SGCZ: variants seen among roughly 807,000 people sequenced by gnomAD.
SGCZ encodes sarcoglycan zeta, also known as zeta-sarcoglycan.
SGCZ carries 40 observed loss-of-function variants against 41.3 expected under a neutral mutation model. That is an observed-to-expected ratio of 0.97 (90% CI 0.75 to 1.26). The LOEUF is 1.26. Among genes scored for constraint, SGCZ ranks in the 50% most tolerant of loss-of-function variants. SGCZ has a pLI of 0.00. For missense variants in SGCZ, 552 were observed against 369.8 expected (o/e 1.49, Z -4.04); for synonymous variants, 206 against 137.5 (o/e 1.50, Z -3.49).
At chr8:14,781,268 G>A (rs1800579407) in intron 1 of SGCZ, among the ~76,000 whole-genome samples, 1 of 152,052 alleles carries the variant, frequency 6.6e-6, no homozygotes, top group African/African-American at 2.4e-5. Context: ...GTCTCATTGT[G>A]TCACCCAGGC....
intron 2 of SGCZ, among the ~76,000 whole-genome samples, chr8:14,439,185 AT>A (rs1800174759): frequency 6.6e-6 from 1 of 151,892 alleles, no homozygotes; most frequent in Admixed American, 6.6e-5. Flanking sequence ...AAGAAAATGC[AT>A]TTAAAAATAC....
intron 1 of SGCZ, among the ~76,000 whole-genome samples, chr8:15,053,119 C>A (rs1341719785): frequency 2.0e-5 from 3 of 152,074 alleles, no homozygotes; most frequent in South Asian, 2.1e-4. Context: ...GTCTAGTTTG[C>A]AAAATTCCAA....
intron 1 of SGCZ, among the ~76,000 whole-genome samples, chr8:15,057,710 T>G (rs568588276): frequency 1.3e-5 from 2 of 152,326 alleles, no homozygotes; most frequent in Non-Finnish European, 2.9e-5. Flanking sequence ...AGCTAAATAA[T>G]TAGTCCCAAT....
chr8:14,102,617 G>A, intron 6 of SGCZ, 118 bp from the exon 7 acceptor site: 1 of 964,582 alleles, frequency 1.0e-6, no homozygotes, highest in Non-Finnish European at 1.3e-6. Context: ...CAACCAGACA[G>A]ACAGGCATAA....
Position 14,704,891 on chromosome 8 carries a change from A to G in SGCZ, c.40-149965T>C, listed in dbSNP as rs555610678. Among the ~76,000 whole-genome samples the G allele has an allele frequency of 2.4e-3, 360 of 152,132 alleles. 3 individuals are homozygous for G. The highest frequency in any genetic ancestry group is 6.9e-3 in the African/African-American group (286 of 41,568). ...TAAGCAAGCCAAACTCGCTTCATTCAAAAGCACTATAAGAATCGATGCAAC... is the reference window on the plus strand; with the variant it reads ...TAAGCAAGCCAAACTCGCTTCATTCGAAAGCACTATAAGAATCGATGCAAC... On this transcript the variant is annotated intron_variant, in intron 1 of 7. Coordinates refer to ENST00000382080, the MANE Select transcript of SGCZ (RefSeq NM_139167.4).
intron 3 of SGCZ, among the ~76,000 whole-genome samples, chr8:14,321,510 C>T (rs1801917847): frequency 6.6e-6 from 1 of 150,806 alleles, no homozygotes; most frequent in Non-Finnish European, 1.5e-5. Flanking sequence ...ATTATCTTTC[C>T]ATGTGTAGGA....
chr8:14,439,650 C>T (rs1325396112), intron 2 of SGCZ, among the ~76,000 whole-genome samples: 1 of 151,578 alleles, frequency 6.6e-6, no homozygotes, highest in Non-Finnish European at 1.5e-5. Flanking sequence ...CAATATAATC[C>T]GTAGTATAAA....
At position 14,811,278 on chromosome 8, in the gene SGCZ, A is replaced by T. The variant is rs1033381050; in HGVS notation, c.40-256352T>A. Among the ~76,000 whole-genome samples the T allele has an allele frequency of 2.0e-5, 3 of 152,006 alleles. No individual in the cohort carries two copies. In the East Asian group the frequency reaches 5.8e-4, roughly 29 times the overall value. On this transcript the variant is annotated intron_variant, in intron 1 of 7. Coordinates refer to ENST00000382080, the MANE Select transcript of SGCZ (RefSeq NM_139167.4). ...CTGTGAACTGAAACTTACAATAAAA[A>T]TTTATTCCAATAAAATTTAACTTAC...
At chr8:14,644,750 A>C (rs1807150215) in intron 1 of SGCZ, among the ~76,000 whole-genome samples, 1 of 151,722 alleles carries the variant, frequency 6.6e-6, no homozygotes, top group Non-Finnish European at 1.5e-5. Flanking sequence ...TAGAAATGCA[A>C]ATGTACTTCT....
chr8:14,508,224 C>T (rs778510096), intron 2 of SGCZ, among the ~76,000 whole-genome samples: 4 of 152,112 alleles, frequency 2.6e-5, no homozygotes, highest in Non-Finnish European at 5.9e-5. Context: ...TTGAAGTACC[C>T]TGAGACCAAG....
chr8:14,243,804 C>T (rs1798977870), intron 3 of SGCZ, among the ~76,000 whole-genome samples: 1 of 152,144 alleles, frequency 6.6e-6, no homozygotes, highest in African/African-American at 2.4e-5. Flanking sequence ...AGTTAAAATT[C>T]ACCTCCCACC....
At chr8:14,320,446 AATTATT>A (rs1267731837) in intron 3 of SGCZ, among the ~76,000 whole-genome samples, 2 of 150,214 alleles carry the variant, frequency 1.3e-5, no homozygotes, top group Non-Finnish European at 3.0e-5. Flanking sequence ...TTATTATTAT[AATTATT>A]ATTACTATTA....
chr8:15,122,344 A>ATTTTGAT (rs1363822247), intron 1 of SGCZ, among the ~76,000 whole-genome samples: 1 of 152,148 alleles, frequency 6.6e-6, no homozygotes, highest in Non-Finnish European at 1.5e-5. Flanking sequence ...AAGACTTAGA[A>ATTTTGAT]ACAGTGCAAT....
At chr8:14,878,368 T>C (rs983761009) in intron 1 of SGCZ, among the ~76,000 whole-genome samples, 6 of 151,526 alleles carry the variant, frequency 4.0e-5, no homozygotes, top group African/African-American at 1.5e-4. Flanking sequence ...CAAGTTAAAA[T>C]ATAATTAACA....
intron 3 of SGCZ, among the ~76,000 whole-genome samples, chr8:14,252,782 G>T (rs1276331703): frequency 1.3e-5 from 2 of 152,140 alleles, no homozygotes; most frequent in African/African-American, 4.8e-5. Context: ...CAGAGCTTCA[G>T]CTTTCAGGCA....
At chr8:14,522,455 G>T (rs1474407274) in intron 2 of SGCZ, among the ~76,000 whole-genome samples, 1 of 151,910 alleles carries the variant, frequency 6.6e-6, no homozygotes. Context: ...TTTGGGTGAG[G>T]TATGATAGTT....
intron 1 of SGCZ, among the ~76,000 whole-genome samples, chr8:15,168,070 TC>T (rs1799716871): frequency 6.6e-6 from 1 of 151,980 alleles, no homozygotes; most frequent in South Asian, 2.1e-4. Context: ...AGACATCCTT[TC>T]CTCTCTCTTG....
chr8:14,825,953 T>C (rs932723563), intron 1 of SGCZ, among the ~76,000 whole-genome samples: 1 of 152,144 alleles, frequency 6.6e-6, no homozygotes, highest in Non-Finnish European at 1.5e-5. Flanking sequence ...TTATTATTAT[T>C]ATACTTTAAG....
At position 14,711,542 on chromosome 8, in the gene SGCZ, T is replaced by C. The variant is rs566201291; in HGVS notation, c.40-156616A>G. ...GCTTGAATCCAGGAGGCAGAGGTTG[T>C]AGTGAGCCAAGATTGCTCAACTGCA... On this transcript the variant is annotated intron_variant, in intron 1 of 7. Transcript: ENST00000382080. Among the ~76,000 whole-genome samples the C allele has an allele frequency of 2.1e-5, 3 of 143,404 alleles. No homozygotes were observed. The Admixed American group carries it at 2.3e-4, about 11-fold the overall frequency. The allele number at this position is 143,404 out of a possible 152,430, so 94.1% of individuals were successfully genotyped here.
Sources: allele counts gnomAD v4.1 joint callset (sites outside exome capture counted in the v4.1 genomes callset), GRCh38; gene constraint gnomAD v4.1.1; transcripts MANE v1.5; gene names NCBI Gene and HGNC (gene_info 2026-07-23, HGNC 2026-07-21).